Variants in RORA observed in about 807,000 individuals in gnomAD.
The protein encoded by RORA is nuclear receptor ROR-alpha.
Under a neutral mutation model 69.5 loss-of-function variants are expected in RORA, and 7 were observed. The ratio of observed to expected loss-of-function variants is 0.10; its 90% confidence interval spans 0.06 to 0.19. The LOEUF (loss-of-function observed/expected upper bound fraction) is 0.19. RORA is among the 10% of genes least tolerant of loss of function. RORA has a pLI of 1.00. For missense variants in RORA, 457 were observed against 663.0 expected (o/e 0.69, Z 3.41); for synonymous variants, 261 against 240.8 (o/e 1.08, Z -0.78).
intron 1 of RORA, among the ~76,000 whole-genome samples, chr15:60,812,690 C>T (rs1320564322): frequency 6.6e-6 from 1 of 152,100 alleles, no homozygotes; most frequent in East Asian, 1.9e-4. Flanking sequence ...AGAGACACTC[C>T]CTCCTTGTCC....
At position 61,061,790 on chromosome 15, in the gene RORA, C is replaced by T. The variant is rs748209523; in HGVS notation, c.166+167263G>A. Among the ~76,000 whole-genome samples, 1 of 152,096 alleles carries T rather than the reference C, an allele frequency of 6.6e-6. No homozygotes were observed. Among genetic ancestry groups the T allele is most frequent in the African/African-American group, 2.4e-5 (1 of 41,406 alleles). Reference sequence around the variant, plus strand: ...CAATAAATGTTAGTAAGGCCGGGCACGGTGGTTCACGCCTGTAACCCCAGC... The same window carrying T: ...CAATAAATGTTAGTAAGGCCGGGCATGGTGGTTCACGCCTGTAACCCCAGC... On this transcript the variant is annotated intron_variant, in intron 1 of 10. Coordinates refer to ENST00000335670, the MANE Select transcript of RORA (RefSeq NM_134261.3). This position sits in a 1 kb window ranked among gnomAD's most constrained non-coding sequence, Gnocchi z 4.4.
intron 1 of RORA, among the ~76,000 whole-genome samples, chr15:60,855,396 C>T (rs1399038042): frequency 2.6e-5 from 4 of 152,152 alleles, no homozygotes; most frequent in Admixed American, 2.6e-4. Context: ...TATAGCTACA[C>T]AGAGCCATGT....
At chr15:60,594,030 A>G (rs1169680927) in intron 2 of RORA, among the ~76,000 whole-genome samples, 3 of 152,226 alleles carry the variant, frequency 2.0e-5, no homozygotes, top group Admixed American at 1.3e-4. Context: ...CAGTCAAGCC[A>G]TGGCTTTATA....
At chr15:60,809,578 G>A (rs559287276) in intron 1 of RORA, among the ~76,000 whole-genome samples, 3 of 152,104 alleles carry the variant, frequency 2.0e-5, no homozygotes, top group East Asian at 3.9e-4. Context: ...GACCTTCCAC[G>A]ACGGAAGATG....
chr15:60,627,832 G>A (rs1023265787), intron 2 of RORA, among the ~76,000 whole-genome samples: 1 of 152,014 alleles, frequency 6.6e-6, no homozygotes, highest in Non-Finnish European at 1.5e-5. Flanking sequence ...GCCTTCATAT[G>A]GACTACTTTT....
intron 1 of RORA, among the ~76,000 whole-genome samples, chr15:60,795,144 C>G (rs1476256152): frequency 6.6e-6 from 1 of 152,142 alleles, no homozygotes; most frequent in Non-Finnish European, 1.5e-5. Flanking sequence ...TATGCCACCT[C>G]AGGAACCGGG....
At position 61,155,446 on chromosome 15, in the gene RORA, G is replaced by A. The variant is rs574801815; in HGVS notation, c.166+73607C>T. Among the ~76,000 whole-genome samples the A allele has an allele frequency of 9.9e-5, 15 of 152,238 alleles. No homozygotes were observed. In the South Asian group the frequency reaches 3.1e-3, roughly 32 times the overall value. On this transcript the variant is annotated intron_variant, in intron 1 of 10. Coordinates refer to ENST00000335670, the MANE Select transcript of RORA (RefSeq NM_134261.3). ...ATCCAACTCAAGAGAAAGCACCAAA[G>A]GGGTTTATATTTTGAGAAGGAAAAA...
chr15:60,541,318 G>T (rs1016325845), intron 2 of RORA, among the ~76,000 whole-genome samples: 1 of 152,060 alleles, frequency 6.6e-6, no homozygotes, highest in African/African-American at 2.4e-5. Context: ...TGGCTCAATG[G>T]TATTTCAAAA....
At chr15:60,609,405 G>C (rs561510583) in intron 2 of RORA, among the ~76,000 whole-genome samples, 5 of 152,226 alleles carry the variant, frequency 3.3e-5, no homozygotes, top group African/African-American at 1.2e-4. Context: ...GCAGCCTTAG[G>C]GTTAAATGAC....
chr15:60,985,556 C>A (rs1338979930), intron 1 of RORA, among the ~76,000 whole-genome samples: 1 of 142,340 alleles, frequency 7.0e-6, no homozygotes, highest in Non-Finnish European at 1.5e-5. Context: ...AAAAATTAAT[C>A]TTGTGCTAGG....
intron 2 of RORA, among the ~76,000 whole-genome samples, chr15:60,671,976 A>G (rs1451573690): frequency 1.3e-5 from 2 of 151,550 alleles, no homozygotes; most frequent in Non-Finnish European, 2.9e-5. Flanking sequence ...AGTCCCAGCT[A>G]CTTGGGAAGC....
At chr15:60,979,210 C>T (rs1024385258) in intron 1 of RORA, among the ~76,000 whole-genome samples, 23 of 151,326 alleles carry the variant, frequency 1.5e-4, no homozygotes, top group African/African-American at 4.6e-4. Flanking sequence ...GTGATGCACC[C>T]GCCTCAGCCT....
At chr15:61,107,192 A>G (rs2078959906) in intron 1 of RORA, among the ~76,000 whole-genome samples, 1 of 152,194 alleles carries the variant, frequency 6.6e-6, no homozygotes, top group Non-Finnish European at 1.5e-5. Context: ...AACCAAAGCT[A>G]AACACACAGG....
At chr15:60,903,022 T>A (rs1370748636) in intron 1 of RORA, among the ~76,000 whole-genome samples, 1 of 152,230 alleles carries the variant, frequency 6.6e-6, no homozygotes, top group Non-Finnish European at 1.5e-5. Context: ...TCCGAAGCTT[T>A]TTATTCAGGG....
intron 1 of RORA, among the ~76,000 whole-genome samples, chr15:60,890,066 G>A (rs2073796958): frequency 6.6e-6 from 1 of 152,182 alleles, no homozygotes; most frequent in Non-Finnish European, 1.5e-5. Flanking sequence ...GATTCTCGGA[G>A]TCTATCTTTC....
At chr15:60,724,899 TC>T (rs2071337813) in intron 1 of RORA, among the ~76,000 whole-genome samples, 3 of 152,124 alleles carry the variant, frequency 2.0e-5, no homozygotes, top group Admixed American at 6.5e-5. Flanking sequence ...GGCTCCCTCC[TC>T]CCCGCTCCTC....
chr15:61,050,446 C>A (rs1897240752), intron 1 of RORA, among the ~76,000 whole-genome samples: 1 of 152,126 alleles, frequency 6.6e-6, no homozygotes, highest in Non-Finnish European at 1.5e-5. Context: ...TAATTACAGT[C>A]AATAACTCTC....
intron 1 of RORA, among the ~76,000 whole-genome samples, chr15:61,068,223 G>C (rs2078291825): frequency 6.6e-6 from 1 of 152,172 alleles, no homozygotes; most frequent in Non-Finnish European, 1.5e-5. Context: ...GCCCATGATG[G>C]CTTTGTATTT....
chr15:60,776,333 A>G lies in RORA; in HGVS notation c.167-97647T>C, dbSNP rs558415618. Among the ~76,000 whole-genome samples, 4 of 152,338 alleles carry G rather than the reference A, an allele frequency of 2.6e-5. No individual in the cohort carries two copies. In the East Asian group the frequency reaches 7.7e-4, roughly 29 times the overall value. On this transcript the variant is annotated intron_variant, in intron 1 of 10. Coordinates refer to ENST00000335670, the MANE Select transcript of RORA (RefSeq NM_134261.3). Reference sequence around the variant, plus strand: ...CCTTCATCTTGGACTAGTTTGTCAGATGGCTAGGTAATCTGGCAAGGTCTT... The same window carrying G: ...CCTTCATCTTGGACTAGTTTGTCAGGTGGCTAGGTAATCTGGCAAGGTCTT...
Sources: gnomAD v4.1 joint callset for allele counts (sites outside exome capture counted in the v4.1 genomes callset) on GRCh38, gnomAD v4.1.1 for gene constraint, Gnocchi (gnomAD v3.1) non-coding constraint, MANE v1.5 for transcripts, NCBI Gene and HGNC (gene_info 2026-07-23, HGNC 2026-07-21) for gene names.